SAT1: variants seen among roughly 807,000 people sequenced by gnomAD.
SAT1 encodes the protein spermidine/spermine N1-acetyltransferase 1, also known as diamine acetyltransferase 1.
A neutral mutation model predicts 14.7 loss-of-function variants in SAT1; 1 was observed. The ratio of observed to expected loss-of-function variants is 0.07; its 90% CI spans 0.02 to 0.32. The LOEUF is 0.32. Among genes scored for constraint, SAT1 ranks in the 10% least tolerant of loss-of-function variants. The pLI, the probability that SAT1 is intolerant of heterozygous loss-of-function variation, is 1.00. For missense variants in SAT1, 77 were observed against 129.1 expected, an observed-to-expected ratio of 0.60 and a Z score of 1.96; for synonymous variants, 67 against 46.1, an observed-to-expected ratio of 1.45 and a Z score of -1.84.
chrX:23,785,661 T>G, intron 5 of SAT1, 25 bp from the exon 6 acceptor site: 8 of 1,198,015 alleles, frequency 6.7e-6, no homozygotes, highest in Non-Finnish European at 9.0e-6. Flanking sequence ...TGTCACTGAG[T>G]GTGTGTTTTA....
intron 5 of SAT1, 45 bp from the exon 6 acceptor site, chrX:23,785,641 C>A: frequency 1.7e-6 from 2 of 1,192,526 alleles, no homozygotes. Context: ...GTCTTGAGAG[C>A]AGGCTGAAAT....
rs73625178 is a variant in SAT1, at chrX:23,784,952, G to C, written c.203-376G>C. On this transcript the variant is annotated intron_variant, in intron 3 of 5. Coordinates refer to ENST00000379270, the MANE Select transcript of SAT1 (RefSeq NM_002970.4). ...GACGTATTCCCAAGTCAACATACCA[G>C]TATACCAATAGGATGTGAATAATGT... 5.2e-3 allele frequency: 910 copies of C among 173,532 alleles called. 10 individuals are homozygous for C. Among genetic ancestry groups the C allele is most frequent in the African/African-American group, 0.026 (845 of 32,784 alleles). 14.3% of individuals were successfully genotyped at this position (173,532 alleles called of 1,213,427 possible).
At chrX:23,784,451 A>G (rs1922636924) in intron 3 of SAT1, 4 of 293,930 alleles carry the variant, frequency 1.4e-5, no homozygotes, top group Non-Finnish European at 1.8e-5. Context: ...TCAGAAACCC[A>G]CTATGATACT....
intron 3 of SAT1, chrX:23,784,617 C>T (rs1223473655): frequency 1.3e-5 from 1 of 77,613 alleles, no homozygotes; most frequent in Non-Finnish European, 2.3e-5. Flanking sequence ...GGTCAGAAGA[C>T]AGCTCAGCTA....
At chrX:23,785,067 A>C in intron 3 of SAT1, 1 of 375,844 alleles carries the variant, frequency 2.7e-6, no homozygotes, top group Admixed American at 4.9e-5. Flanking sequence ...CAGACTGCAG[A>C]GTGGCCAGTC....
chrX:23,783,606 C>T (rs1291534105), intron 1 of SAT1, 52 bp from the exon 2 acceptor site: 4 of 1,054,180 alleles, frequency 3.8e-6, no homozygotes, highest in East Asian at 3.1e-5. Flanking sequence ...CTGGCCGGGC[C>T]GGAGCCTCAT....
intron 1 of SAT1, 38 bp from the exon 2 acceptor site, chrX:23,783,620 G>C (rs374107682): frequency 2.5e-6 from 2 of 798,879 alleles, no homozygotes; most frequent in Admixed American, 6.9e-5. Context: ...GCCTCATTTT[G>C]TTTTCTACTT....
chrX:23,784,406 A>G, intron 3 of SAT1: 1 of 627,009 alleles, frequency 1.6e-6, no homozygotes, highest in Non-Finnish European at 1.9e-6. Flanking sequence ...TAAATGAGGT[A>G]AGGTCCTATT....
At chrX:23,783,450 G>A in intron 1 of SAT1, 33 bp downstream of exon 1, 1 of 1,158,255 alleles carries the variant, frequency 8.6e-7, no homozygotes, top group Non-Finnish European at 1.2e-6. Flanking sequence ...CCCGGGGCGT[G>A]GGGTGGAGGT....
chrX:23,783,577 C>CCCCCAAA, intron 1 of SAT1, 81 bp from the exon 2 acceptor site: 1 of 750,178 alleles, frequency 1.3e-6, no homozygotes, highest in Non-Finnish European at 1.9e-6. Flanking sequence ...GCCCGCCCGC[C>CCCCCAAA]CCATTCCGTT....
Position 23,785,490 on chromosome X carries a change from GACTTTTTAAATTGT to G in SAT1, c.305-26_305-13del. The stretch of plus-strand genomic sequence containing the variant: ...GTTCAGAGTTATAAATGCTTACAAT[GACTTTTTAAATTGT>G]ACTCTTTCTTTTTAGGCTTTGGCAT... On this transcript the variant is annotated splice_polypyrimidine_tract_variant and intron_variant, in intron 4 of 5. Transcript: ENST00000379270. 1 of 1,193,781 alleles carries G rather than the reference GACTTTTTAAATTGT, an allele frequency of 8.4e-7. No individual in the cohort carries two copies. Among genetic ancestry groups the G allele is most frequent in the Non-Finnish European group, 1.1e-6 (1 of 879,001 alleles).
chrX:23,784,567 C>A (rs1467422701), intron 3 of SAT1, among the ~76,000 whole-genome samples: 1 of 37,834 alleles, frequency 2.6e-5, no homozygotes, highest in Non-Finnish European at 6.1e-5. Flanking sequence ...GTGTCAGATG[C>A]CTTTTTTTTT....
intron 1 of SAT1, 95 bp from the exon 2 acceptor site, chrX:23,783,562 AC>A: frequency 1.5e-6 from 1 of 673,084 alleles, no homozygotes; most frequent in Admixed American, 3.5e-5. Flanking sequence ...CTCGGCCGCC[AC>A]CCCGCCCGCC....
rs372110787 is a variant in SAT1, at chrX:23,784,029, GA to G, written c.202+157del. The G allele has an allele frequency of 1.7e-3, 1,533 of 879,110 alleles. 2 individuals carry two copies. The highest frequency in any genetic ancestry group is 6.7e-3 in the Admixed American group (157 of 23,379). 72.4% of individuals were successfully genotyped at this position (879,110 alleles called of 1,213,427 possible). A position where few individuals can be genotyped will look rare whatever the true frequency, so the allele number is the denominator to read the frequency against. ...GCCAGCAAGTGTTCAAACTACTGAG[GA>G]AAAAAAAAAATTAGATATGCTGCAC... On this transcript the variant is annotated intron_variant, in intron 3 of 5. Coordinates refer to ENST00000379270, the MANE Select transcript of SAT1 (RefSeq NM_002970.4).
rs1922561146 is a variant in SAT1, at chrX:23,783,197, C to T, written c.-155C>T. 1 of 501,838 alleles carries T rather than the reference C, an allele frequency of 2.0e-6. No homozygotes were observed. The highest frequency in any genetic ancestry group is 2.3e-5 in the African/African-American group (1 of 42,953). 41.4% of individuals were successfully genotyped at this position (501,838 alleles called of 1,213,427 possible). On this transcript the variant is annotated 5_prime_UTR_variant, in exon 1 of 6. Coordinates refer to ENST00000379270, the MANE Select transcript of SAT1 (RefSeq NM_002970.4). ...TGCGCAGCTCTTAGTCGCGGGCCGA[C>T]TGGTGTTTATCCGTCACTCGCCGAG...
At chrX:23,783,918 C>T (rs1922611736) in intron 3 of SAT1, 35 bp downstream of exon 3, 2 of 1,209,194 alleles carry the variant, frequency 1.7e-6, no homozygotes, top group African/African-American at 1.8e-5. Flanking sequence ...CCAGAGAGAC[C>T]AAGTGTTATG....
chrX:23,784,161 A>G, intron 3 of SAT1: 1 of 957,510 alleles, frequency 1.0e-6, no homozygotes, highest in Non-Finnish European at 1.3e-6. Flanking sequence ...TGCTGTGGAG[A>G]CCCGGAAGAG....
intron 5 of SAT1, 49 bp from the exon 6 acceptor site, chrX:23,785,635 TGA>T (rs779150835): frequency 3.4e-5 from 40 of 1,192,983 alleles, no homozygotes; most frequent in East Asian, 5.9e-5. Context: ...AATTGGGTCT[TGA>T]GAGCAGGCTG....
chrX:23,784,119 G>A (rs1922623553), intron 3 of SAT1: 3 of 1,082,460 alleles, frequency 2.8e-6, no homozygotes. Context: ...GTGGAGACTC[G>A]GAAGTGTTTA....
Sources: gnomAD v4.1 joint callset for allele counts (sites outside exome capture counted in the v4.1 genomes callset) on GRCh38, gnomAD v4.1.1 for gene constraint, MANE v1.5 for transcripts, NCBI Gene and HGNC (gene_info 2026-07-23, HGNC 2026-07-21) for gene names.